DOCK4: variants seen among roughly 807,000 people sequenced by gnomAD.
DOCK4 encodes dedicator of cytokinesis protein 4.
DOCK4 carries 97 observed loss-of-function variants against 268.1 expected under a neutral mutation model. The ratio of observed to expected loss-of-function variants is 0.36; its 90% CI spans 0.31 to 0.43. DOCK4 has a LOEUF of 0.43. Ranked by LOEUF, DOCK4 falls within the 20% of genes least tolerant of loss-of-function variation. The probability of loss-of-function intolerance (pLI) is 1.00; values close to 1 mark genes in which losing one functional copy is unlikely to be tolerated. For missense variants in DOCK4, 2,145 were observed against 2,455.7 expected (o/e 0.87, Z 2.67); for synonymous variants, 954 against 887.2 (o/e 1.08, Z -1.34).
chr7:111,782,751 A>C (rs552098050), intron 35 of DOCK4, 113 bp downstream of exon 35: 1 of 1,112,902 alleles, frequency 9.0e-7, no homozygotes, highest in African/African-American at 1.6e-5. Flanking sequence ...ATTTAAAAAT[A>C]ACTCTTCTAA....
At chr7:111,839,182 C>G (rs774849382) in intron 25 of DOCK4, among the ~76,000 whole-genome samples, 3 of 152,096 alleles carry the variant, frequency 2.0e-5, no homozygotes, top group Non-Finnish European at 4.4e-5. Context: ...GAAAATACAC[C>G]TGAGGTTTTT....
chr7:111,922,961 T>C (rs1793278801), intron 12 of DOCK4, among the ~76,000 whole-genome samples: 1 of 152,228 alleles, frequency 6.6e-6, no homozygotes, highest in Non-Finnish European at 1.5e-5. Flanking sequence ...CAAGTCTTCA[T>C]CTGAAATTTT....
intron 50 of DOCK4, 85 bp downstream of exon 50, chr7:111,736,832 C>CCACACAGA (rs1436182066): frequency 4.0e-6 from 5 of 1,255,376 alleles, no homozygotes; most frequent in Non-Finnish European, 4.6e-6. Flanking sequence ...GCACTGCTTT[C>CCACACAGA]CACACAGACA....
chr7:111,726,858 T>C lies in DOCK4; in HGVS notation c.*1416A>G, dbSNP rs1049935136. 7.2e-5 allele frequency: 11 copies of C among 152,592 alleles called. No individual in the cohort carries two copies. The highest frequency in any genetic ancestry group is 2.7e-4 in the African/African-American group (11 of 41,450). The allele number at this position is 152,592 out of a possible 1,614,324, so 9.5% of individuals were successfully genotyped here. On this transcript the variant is annotated 3_prime_UTR_variant, in exon 53 of 53. Transcript: ENST00000428084. ...GAACATTTATTATAGAAAACCTCTA[T>C]AACCAGCCTCAACAGCATATACCTG...
rs756827257 is a variant in DOCK4, at chr7:111,935,346, T to A, written c.1066+194A>T. ...CGTTTCAACAAGAATAGAATACATT[T>A]TTTATAGGGAGTTATAAGTACAACC... On this transcript the variant is annotated intron_variant, in intron 12 of 52. Coordinates refer to ENST00000428084, the MANE Select transcript of DOCK4 (RefSeq NM_001363540.2). 3 of 647,336 alleles carry A rather than the reference T, an allele frequency of 4.6e-6. No homozygotes were observed. In the South Asian group the frequency reaches 4.9e-5, roughly 10 times the overall value. The allele number at this position is 647,336 out of a possible 1,614,324, so 40.1% of individuals were successfully genotyped here. A position where few individuals can be genotyped will look rare whatever the true frequency, so the allele number is the denominator to read the frequency against.
At chr7:111,994,491 C>G (rs1360491289) in intron 4 of DOCK4, among the ~76,000 whole-genome samples, 3 of 152,168 alleles carry the variant, frequency 2.0e-5, no homozygotes, top group Non-Finnish European at 4.4e-5. Flanking sequence ...GGGTTGCACT[C>G]CAGTACCAGT....
intron 39 of DOCK4, among the ~76,000 whole-genome samples, chr7:111,762,677 A>G (rs748215284): frequency 6.6e-6 from 1 of 150,768 alleles, no homozygotes; most frequent in Admixed American, 6.6e-5. Flanking sequence ...TTGTGTAAAT[A>G]TATATTTTCA....
intron 2 of DOCK4, among the ~76,000 whole-genome samples, chr7:112,001,441 C>T (rs773755717): frequency 1.1e-4 from 17 of 152,154 alleles, no homozygotes; most frequent in Non-Finnish European, 2.2e-4. Flanking sequence ...CTAGCCCTCT[C>T]GGTTACCAGA....
chr7:111,886,154 G>A (rs6948027), intron 16 of DOCK4, among the ~76,000 whole-genome samples: 74,694 of 151,872 alleles, frequency 0.49, 20,996 homozygotes, highest in African/African-American at 0.78. Flanking sequence ...AAATTAAGGG[G>A]TCTGTAACTT....
intron 8 of DOCK4, among the ~76,000 whole-genome samples, chr7:111,957,881 G>A (rs568530994): frequency 6.6e-6 from 1 of 152,256 alleles, no homozygotes; most frequent in South Asian, 2.1e-4. Flanking sequence ...ATCTCTACAT[G>A]GAAATACTTA....
At chr7:111,956,205 A>C (rs1194042679) in intron 8 of DOCK4, among the ~76,000 whole-genome samples, 3 of 152,180 alleles carry the variant, frequency 2.0e-5, no homozygotes, top group Non-Finnish European at 4.4e-5. Context: ...TGACCTTTCT[A>C]ACATCTTTTC....
chr7:112,036,356 A>T (rs968387718), intron 1 of DOCK4, among the ~76,000 whole-genome samples: 13 of 152,184 alleles, frequency 8.5e-5, no homozygotes, highest in African/African-American at 3.1e-4. Flanking sequence ...TAGAACTAAG[A>T]CTAAACAACT....
intron 8 of DOCK4, among the ~76,000 whole-genome samples, chr7:111,960,451 T>C (rs1477894109): frequency 6.8e-6 from 1 of 148,000 alleles, no homozygotes; most frequent in African/African-American, 2.5e-5. Context: ...TGTTTTGAAA[T>C]ACGTATACAT....
intron 30 of DOCK4, among the ~76,000 whole-genome samples, chr7:111,793,303 A>T (rs1799678459): frequency 6.6e-6 from 1 of 152,260 alleles, no homozygotes; most frequent in African/African-American, 2.4e-5. Context: ...ACAGTCTATA[A>T]GCCAGAGAGG....
chr7:112,037,320 G>A (rs1225063934), intron 1 of DOCK4, among the ~76,000 whole-genome samples: 4 of 152,104 alleles, frequency 2.6e-5, no homozygotes, highest in African/African-American at 9.7e-5. Flanking sequence ...CTGTACGATG[G>A]GTTTGTCAGC....
At chr7:112,054,773 G>A (rs773538688) in intron 1 of DOCK4, among the ~76,000 whole-genome samples, 5 of 151,996 alleles carry the variant, frequency 3.3e-5, no homozygotes, top group African/African-American at 9.7e-5. Context: ...CTTAAGGTTC[G>A]TTTATGAGCA....
intron 1 of DOCK4, among the ~76,000 whole-genome samples, chr7:112,153,457 C>G (rs1816292273): frequency 6.6e-6 from 1 of 152,066 alleles, no homozygotes; most frequent in South Asian, 2.1e-4. Flanking sequence ...AGGGAGGAGG[C>G]TCATACTCTG....
rs1258553260 is a variant in DOCK4 at position 111,868,241 on chromosome 7, G to T, written c.2110-87C>A. Reference sequence around the variant, plus strand: ...GACACGGCATAAAAACCATGGTATGGCATTAAACTTTTACATTATTCATGT... The same window carrying T: ...GACACGGCATAAAAACCATGGTATGTCATTAAACTTTTACATTATTCATGT... On this transcript the variant is annotated intron_variant, in intron 21 of 52. Transcript: ENST00000428084. 4.7e-6 allele frequency: 5 copies of T among 1,054,308 alleles called. No homozygotes were observed. The African/African-American group carries it at 6.5e-5, about 14-fold the overall frequency. The allele number at this position is 1,054,308 out of a possible 1,614,324, so 65.3% of individuals were successfully genotyped here.
chr7:112,145,220 A>G (rs917283852), intron 1 of DOCK4, among the ~76,000 whole-genome samples: 1 of 152,190 alleles, frequency 6.6e-6, no homozygotes, highest in Non-Finnish European at 1.5e-5. Flanking sequence ...ATTTGCCTCA[A>G]GAACTGGAAT....
Sources: gnomAD v4.1 joint callset for allele counts (sites outside exome capture counted in the v4.1 genomes callset) on GRCh38, gnomAD v4.1.1 for gene constraint, MANE v1.5 for transcripts, NCBI Gene and HGNC (gene_info 2026-07-23, HGNC 2026-07-21) for gene names.